The following SMIM14 variants were observed in gnomAD, a reference collection of about 807,000 sequenced individuals.
The protein encoded by SMIM14 is small integral membrane protein 14.
Under a neutral mutation model 12.6 loss-of-function variants are expected in SMIM14, and 5 were observed. That is an observed-to-expected ratio of 0.40 (90% confidence interval 0.21 to 0.83). SMIM14 has a LOEUF of 0.83. Ranked by LOEUF, SMIM14 falls within the 40% of genes least tolerant of loss-of-function variation. The probability of loss-of-function intolerance (pLI) is 0.37; values close to 1 mark genes in which losing one functional copy is unlikely to be tolerated. For missense variants in SMIM14, 86 were observed against 119.1 expected, an observed-to-expected ratio of 0.72 and a Z score of 1.29; for synonymous variants, 30 against 40.1, an observed-to-expected ratio of 0.75 and a Z score of 0.95.
At chr4:39,618,873 AGAAAGTGAGTGT>A (rs547733443) in intron 1 of SMIM14, among the ~76,000 whole-genome samples, 24 of 152,144 alleles carry the variant, frequency 1.6e-4, no homozygotes, top group African/African-American at 5.8e-4. Context: ...CCTGTTGAGA[AGAAAGTGAGTGT>A]GAATAGACTC....
At chr4:39,590,611 G>A (rs961405106) in intron 2 of SMIM14, among the ~76,000 whole-genome samples, 7 of 151,746 alleles carry the variant, frequency 4.6e-5, no homozygotes, top group Non-Finnish European at 1.0e-4. Flanking sequence ...AGACCAGCAT[G>A]GCCAACAAGG....
At chr4:39,573,223 G>T (rs930611745) in intron 2 of SMIM14, among the ~76,000 whole-genome samples, 10 of 152,038 alleles carry the variant, frequency 6.6e-5, no homozygotes, top group African/African-American at 2.2e-4. Flanking sequence ...AGCCTCCTGA[G>T]TAGCTGGGAT....
chr4:39,556,662 T>A, intron 3 of SMIM14, 92 bp from the exon 4 acceptor site: 1 of 1,117,138 alleles, frequency 9.0e-7, no homozygotes, highest in Non-Finnish European at 1.2e-6. Flanking sequence ...ATTACTGTAT[T>A]AATATAAAAA....
intron 2 of SMIM14, among the ~76,000 whole-genome samples, chr4:39,572,676 G>C (rs544813336): frequency 1.2e-4 from 19 of 152,140 alleles, no homozygotes; most frequent in African/African-American, 3.4e-4. Flanking sequence ...ACAAAAATTA[G>C]CCAGGTGTGG....
chr4:39,592,427 T>TAACC (rs1487517516), intron 2 of SMIM14, among the ~76,000 whole-genome samples: 2 of 152,092 alleles, frequency 1.3e-5, no homozygotes, highest in African/African-American at 4.8e-5. Context: ...AACTTATATA[T>TAACC]AACCAGTGAT....
At chr4:39,611,944 A>G (rs1715050941) in intron 1 of SMIM14, 1 of 152,094 alleles carries the variant, frequency 6.6e-6, no homozygotes, top group Non-Finnish European at 1.5e-5. Context: ...TTTCCATCTA[A>G]TATCCTTCTA....
chr4:39,633,749 G>C lies in SMIM14; in HGVS notation c.-36+4990C>G, dbSNP rs182883401. On this transcript the variant is annotated intron_variant, in intron 1 of 4. Transcript: ENST00000295958. ...TTCAAATAGTAAAACACAAATCAAA[G>C]GAGAAAATGTAGGAAGAACTCTGAT... Among the ~76,000 whole-genome samples the C allele has an allele frequency of 1.8e-4, 28 of 152,228 alleles. No individual in the cohort carries two copies. In the East Asian group the frequency reaches 5.0e-3, roughly 27 times the overall value.
intron 1 of SMIM14, among the ~76,000 whole-genome samples, chr4:39,635,241 C>T (rs999616643): frequency 4.6e-5 from 7 of 152,140 alleles, no homozygotes; most frequent in African/African-American, 7.2e-5. Flanking sequence ...GATTAGAATA[C>T]AGGAAGAAAC....
At chr4:39,619,856 A>G (rs1715402800) in intron 1 of SMIM14, among the ~76,000 whole-genome samples, 1 of 61,928 alleles carries the variant, frequency 1.6e-5, no homozygotes, top group African/African-American at 1.1e-4. Flanking sequence ...ATATTTATAT[A>G]TATTTATATA....
At chr4:39,631,730 G>A (rs1044887333) in intron 1 of SMIM14, among the ~76,000 whole-genome samples, 1 of 152,112 alleles carries the variant, frequency 6.6e-6, no homozygotes, top group East Asian at 1.9e-4. Flanking sequence ...TCTAAGTCTG[G>A]TGCATATACC....
intron 2 of SMIM14, among the ~76,000 whole-genome samples, chr4:39,600,685 C>T (rs533717285): frequency 6.7e-6 from 1 of 150,150 alleles, no homozygotes; most frequent in East Asian, 2.0e-4. Context: ...AGCGAAACTC[C>T]ATCTCAAGAA....
intron 1 of SMIM14, among the ~76,000 whole-genome samples, chr4:39,619,183 A>T (rs1715341760): frequency 6.8e-6 from 1 of 147,446 alleles, no homozygotes; most frequent in Non-Finnish European, 1.5e-5. Flanking sequence ...ATACCAATAA[A>T]TATAATTTAA....
intron 2 of SMIM14, among the ~76,000 whole-genome samples, chr4:39,578,599 T>C (rs944865825): frequency 1.3e-5 from 2 of 152,158 alleles, no homozygotes; most frequent in African/African-American, 4.8e-5. Context: ...CAGGAAACCA[T>C]TCATGTTAAC....
Position 39,551,186 on chromosome 4 carries a change from C to T in SMIM14, c.*940G>A, listed in dbSNP as rs966126989. The stretch of plus-strand genomic sequence containing the variant: ...TCAGCCTCCCAAAGTGCTGGGATTA[C>T]AGGTGTGAGCCACTGCACTGGCCTA... On this transcript the variant is annotated 3_prime_UTR_variant, in exon 5 of 5. Coordinates refer to ENST00000295958, the MANE Select transcript of SMIM14 (RefSeq NM_174921.3). 6.6e-6 allele frequency: 1 copy of T among 152,218 alleles called. No individual in the cohort carries two copies. The highest frequency in any genetic ancestry group is 6.5e-5 in the Admixed American group (1 of 15,280). The allele number at this position is 152,218 out of a possible 1,614,324, so 9.4% of individuals were successfully genotyped here.
At chr4:39,576,107 T>C (rs1423851912) in intron 2 of SMIM14, among the ~76,000 whole-genome samples, 3 of 145,060 alleles carry the variant, frequency 2.1e-5, no homozygotes, top group South Asian at 2.2e-4. Flanking sequence ...GTTGGCCAGG[T>C]TGGTCTCTAA....
At chr4:39,584,308 C>T (rs931319789) in intron 2 of SMIM14, among the ~76,000 whole-genome samples, 15 of 151,052 alleles carry the variant, frequency 9.9e-5, no homozygotes, top group Admixed American at 7.3e-4. Flanking sequence ...ATGGTGAAAC[C>T]TTGTCTCTAC....
intron 1 of SMIM14, among the ~76,000 whole-genome samples, chr4:39,608,092 T>G (rs545672590): frequency 2.6e-5 from 4 of 152,212 alleles, no homozygotes; most frequent in Non-Finnish European, 5.9e-5. Context: ...CTGTGGAAAA[T>G]AGTTTGAAAG....
intron 1 of SMIM14, among the ~76,000 whole-genome samples, chr4:39,613,472 T>C (rs115315924): frequency 2.6e-3 from 391 of 152,266 alleles, no homozygotes; most frequent in Middle Eastern, 6.8e-3. Context: ...TTTTTGAAAA[T>C]AGAATGAACA....
intron 1 of SMIM14, among the ~76,000 whole-genome samples, chr4:39,622,272 C>T (rs1348088582): frequency 2.6e-5 from 4 of 151,704 alleles, no homozygotes; most frequent in Non-Finnish European, 4.4e-5. Flanking sequence ...TTAGTAGAGA[C>T]GGGGTTTCAC....
Sources: allele counts gnomAD v4.1 joint callset (sites outside exome capture counted in the v4.1 genomes callset), GRCh38; gene constraint gnomAD v4.1.1; transcripts MANE v1.5; gene names NCBI Gene and HGNC (gene_info 2026-07-23, HGNC 2026-07-21).